PPP6R2: variants seen among roughly 807,000 people sequenced by gnomAD.
PPP6R2 encodes the protein protein phosphatase 6 regulatory subunit 2, also known as serine/threonine-protein phosphatase 6 regulatory subunit 2.
Under a neutral mutation model 100.2 loss-of-function variants are expected in PPP6R2, and 62 were observed. That is an observed-to-expected ratio of 0.62 (90% CI 0.50 to 0.76). The LOEUF (loss-of-function observed/expected upper bound fraction) is 0.76, where lower values mean the gene tolerates loss of function less well. PPP6R2 is among the 30% of genes least tolerant of loss of function. The pLI is 0.00. For missense variants in PPP6R2, 1,142 were observed against 1,276.3 expected, an observed-to-expected ratio of 0.89 and a Z score of 1.60; for synonymous variants, 525 against 514.7, an observed-to-expected ratio of 1.02 and a Z score of -0.27.
rs762319492 is a variant in PPP6R2 at position 50,434,945 on chromosome 22, G to A, written c.1401-21G>A. On this transcript the variant is annotated intron_variant, in intron 12 of 23. Coordinates refer to ENST00000612753, the MANE Select transcript of PPP6R2 (RefSeq NM_001242898.2). ...AAGGTCGGGGCCAGGAGGCCGCCCC[G>A]ATGGTGCCTGTTGCTTTCAGGGCAG... 3.8e-5 allele frequency: 60 copies of A among 1,593,128 alleles called. No homozygotes were observed. The East Asian group carries it at 4.5e-4, about 12-fold the overall frequency.
At chr22:50,337,629 T>C in the PPP6R2 span, among the ~76,000 whole-genome samples, 2 of 116,074 alleles carry the variant, frequency 1.7e-5, no homozygotes, top group South Asian at 4.7e-4. Flanking sequence ...GTGCGGTATG[T>C]GTGCTGTGTG....
intron 2 of PPP6R2, among the ~76,000 whole-genome samples, chr22:50,385,814 CTTTTTTTTTTTTTTTTT>C (rs1192671164): frequency 1.3e-5 from 1 of 75,398 alleles, no homozygotes; most frequent in Admixed American, 1.5e-4. Context: ...CCGCGCCCAG[CTTTTTTTTTTTTTTTTT>C]TTTTTTTTTT....
At chr22:50,357,626 A>ATT (rs35526525) in intron 1 of PPP6R2, among the ~76,000 whole-genome samples, 1 of 145,118 alleles carries the variant, frequency 6.9e-6, no homozygotes, top group African/African-American at 2.5e-5. Context: ...TCCCTGGCTA[A>ATT]TTTTTTTTTT....
At position 50,400,048 on chromosome 22, in the gene PPP6R2, G is replaced by T. The variant is rs574522356; in HGVS notation, c.227+5913G>T. On this transcript the variant is annotated intron_variant, in intron 3 of 23. Coordinates refer to ENST00000612753, the MANE Select transcript of PPP6R2 (RefSeq NM_001242898.2). ...AAAGCAGTGTCATTTATAACTCTGA[G>T]CTGTGGGCTTCCTCATTCCTGATTG... 7.2e-4 allele frequency among the ~76,000 whole-genome samples: 110 copies of T among 152,364 alleles called. 1 individual carries two copies. The highest frequency in any genetic ancestry group is 2.5e-3 in the African/African-American group (102 of 41,592).
the PPP6R2 span, among the ~76,000 whole-genome samples, chr22:50,334,574 T>C: frequency 2.0e-5 from 3 of 152,228 alleles, no homozygotes; most frequent in South Asian, 4.1e-4. Flanking sequence ...CTTTGGTCTC[T>C]TGCCTTGGCA....
At chr22:50,425,647 C>T (rs2061990994) in intron 10 of PPP6R2, among the ~76,000 whole-genome samples, 1 of 152,160 alleles carries the variant, frequency 6.6e-6, no homozygotes, top group Admixed American at 6.5e-5. Context: ...TCCTCATCCT[C>T]CCCCTCATCC....
chr22:50,366,524 G>C (rs372991983), intron 1 of PPP6R2, among the ~76,000 whole-genome samples: 3 of 151,966 alleles, frequency 2.0e-5, no homozygotes, highest in Non-Finnish European at 2.9e-5. Context: ...GGCTGGTCTC[G>C]AACTCCTGAC....
rs183930391 is a variant in PPP6R2, at chr22:50,393,876, T to A, written c.-16-17T>A. The A allele has an allele frequency of 3.4e-4, 545 of 1,613,648 alleles. 3 individuals are homozygous for A. In the African/African-American group the frequency reaches 6.6e-3, roughly 20 times the overall value. On this transcript the variant is annotated splice_polypyrimidine_tract_variant and intron_variant, in intron 2 of 23. Coordinates refer to ENST00000612753, the MANE Select transcript of PPP6R2 (RefSeq NM_001242898.2). ...TTGCAAGGGTGAGAGACGTGACCCC[T>A]TTGCCCTCGTTTGCAGCTCTGCGGC...
At chr22:50,366,329 TA>T (rs1214154322) in intron 1 of PPP6R2, among the ~76,000 whole-genome samples, 1 of 149,984 alleles carries the variant, frequency 6.7e-6, no homozygotes, top group Non-Finnish European at 1.5e-5. Flanking sequence ...TTTTTTTTTT[TA>T]AATGGAGTCT....
At chr22:50,419,912 C>T (rs1049907496) in intron 8 of PPP6R2, among the ~76,000 whole-genome samples, 4 of 152,264 alleles carry the variant, frequency 2.6e-5, no homozygotes, top group African/African-American at 9.6e-5. Context: ...CTCCCGTGCC[C>T]TGTGCACCCA....
At chr22:50,374,578 A>G (rs1488033474) in intron 2 of PPP6R2, among the ~76,000 whole-genome samples, 4 of 152,172 alleles carry the variant, frequency 2.6e-5, no homozygotes, top group Admixed American at 6.6e-5. Flanking sequence ...ACCTAAATCC[A>G]TAGGTTTAGG....
At chr22:50,341,135 C>T (rs1053667737), upstream of PPP6R2, among the ~76,000 whole-genome samples, 1 of 152,088 alleles carries the variant, frequency 6.6e-6, no homozygotes. Context: ...TGGTCTCGAT[C>T]TCCTGACTTC....
the PPP6R2 span, among the ~76,000 whole-genome samples, chr22:50,337,956 TGGTGTGTGTG>T: frequency 7.8e-6 from 1 of 128,338 alleles, no homozygotes; most frequent in African/African-American, 3.0e-5. Context: ...GTGATGTGTG[TGGTGTGTGTG>T]GGTGTGTGTG....
At chr22:50,397,075 A>G (rs1316023498) in intron 3 of PPP6R2, among the ~76,000 whole-genome samples, 2 of 152,156 alleles carry the variant, frequency 1.3e-5, no homozygotes, top group Non-Finnish European at 2.9e-5. Context: ...GTGAGCCGGG[A>G]GAGTCTCATA....
rs1196500006 is a variant in PPP6R2, at chr22:50,435,049, C to T, written c.1484C>T (p.Pro495Leu). ...GTGGTGCAGAACCTGGAGCGGGGCC[C>T]TGTGCAGACGCACATCAGCGAGGTC... ...NAVVQNLERG[P>L]VQTHISEVIR... The change falls in exon 13 of 24, where the codon CCT (proline) becomes CTT (leucine). Residue 495 changes from proline (P) to leucine (L), a missense_variant. Coordinates refer to ENST00000612753, the MANE Select transcript of PPP6R2 (RefSeq NM_001242898.2). 2 of 1,592,124 alleles carry T rather than the reference C, an allele frequency of 1.3e-6. No homozygotes were observed. Among genetic ancestry groups the T allele is most frequent in the African/African-American group, 1.3e-5 (1 of 74,462 alleles).
Position 50,434,984 on chromosome 22 carries a change from A to G in PPP6R2, c.1419A>G (p.Arg473=), listed in dbSNP as rs1279826660. 1 of 1,605,634 alleles carries G rather than the reference A, an allele frequency of 6.2e-7. No individual in the cohort carries two copies. Among genetic ancestry groups the G allele is most frequent in the Admixed American group, 1.7e-5 (1 of 59,616 alleles). ...CTTTCAGGGCAGCGGGTGGCATGAG[A>G]CGTGGGAACATGGGCCACCTCACAC... ...NDHTQAAGGM[R]RGNMGHLTRI... is the part of the protein sequence containing the mutation. Residue 473 remains arginine, a synonymous_variant, in exon 13 of 24, where the codon AGA becomes AGG. Transcript: ENST00000612753.
At chr22:50,338,285 T>TTGTGGTGTGTG in the PPP6R2 span, among the ~76,000 whole-genome samples, 1 of 108,706 alleles carries the variant, frequency 9.2e-6, no homozygotes, top group Admixed American at 9.2e-5. Context: ...TGTGGTGTGT[T>TTGTGGTGTGTG]TGTGGTGTGT....
At chr22:50,354,546 G>A (rs1370586819) in intron 1 of PPP6R2, among the ~76,000 whole-genome samples, 1 of 151,724 alleles carries the variant, frequency 6.6e-6, no homozygotes, top group Non-Finnish European at 1.5e-5. Flanking sequence ...ACATTTGTAG[G>A]TGGGCACGGC....
intron 22 of PPP6R2, among the ~76,000 whole-genome samples, chr22:50,442,499 A>G (rs1270079679): frequency 6.6e-6 from 1 of 152,200 alleles, no homozygotes; most frequent in African/African-American, 2.4e-5. Context: ...GTTGAAAGTC[A>G]TACAGAGTTC....
Sources: gnomAD v4.1 joint callset for allele counts (sites outside exome capture counted in the v4.1 genomes callset) on GRCh38, gnomAD v4.1.1 for gene constraint, MANE v1.5 for transcripts, NCBI Gene and HGNC (gene_info 2026-07-23, HGNC 2026-07-21) for gene names.